Variants in ZNF775 observed in about 807,000 individuals in gnomAD.
ZNF775 encodes zinc finger protein 775.
Under a neutral mutation model 2.4 loss-of-function variants are expected in ZNF775, and 1 was observed. The ratio of observed to expected loss-of-function variants is 0.41; its 90% CI spans 0.15 to 1.94. The LOEUF is 1.94. Ranked by LOEUF, ZNF775 falls within the 30% of genes most tolerant of loss-of-function variation. The probability of loss-of-function intolerance (pLI) is 0.30; values close to 1 mark genes in which losing one functional copy is unlikely to be tolerated. For missense variants in ZNF775, 823 were observed against 826.6 expected, an observed-to-expected ratio of 1.00 and a Z score of 0.05; for synonymous variants, 381 against 373.3, an observed-to-expected ratio of 1.02 and a Z score of -0.24.
Position 150,398,046 on chromosome 7 carries a change from G to T in ZNF775, c.1565G>T (p.Arg522Leu). ...AAGCAGCACCTGCTCAAGCACCAGC[G>T]CGTGCACCGCGCGGCCCCTGCGTGC... The part of the protein sequence containing the change: ...SQKQHLLKHQ[R>L]VHRAAPACSP... The change falls in exon 3 of 3, where the codon CGC becomes CTC. Residue 522 changes from arginine (R) to leucine (L), a missense_variant. Physicochemically the swap from Arg to Leu is moderately radical, Grantham distance 102 (BLOSUM62 -2). Coordinates refer to ENST00000329630, the MANE Select transcript of ZNF775 (RefSeq NM_173680.4). The T allele has an allele frequency of 3.2e-6, 5 of 1,569,942 alleles. No homozygotes were observed. Among genetic ancestry groups the T allele is most frequent in the Middle Eastern group, 1.7e-4 (1 of 6,034 alleles).
chr7:150,380,465 G>C (rs1325753904), intron 1 of ZNF775, among the ~76,000 whole-genome samples: 1 of 152,134 alleles, frequency 6.6e-6, no homozygotes, highest in African/African-American at 2.4e-5. Context: ...AACAGAGAAG[G>C]GATTCCTGGC....
chr7:150,388,339 G>A (rs1468425468), intron 1 of ZNF775, 83 bp from the exon 2 acceptor site: 2 of 1,041,724 alleles, frequency 1.9e-6, no homozygotes, highest in African/African-American at 1.6e-5. Flanking sequence ...AGTGCTTTAT[G>A]GGATGGGAGG....
chr7:150,391,609 A>G (rs763204018), intron 2 of ZNF775, among the ~76,000 whole-genome samples: 4 of 151,874 alleles, frequency 2.6e-5, no homozygotes, highest in Admixed American at 6.6e-5. Flanking sequence ...CAGTAACCAC[A>G]TGTGTTTCAA....
intron 1 of ZNF775, among the ~76,000 whole-genome samples, chr7:150,380,862 C>G (rs1317556355): frequency 6.6e-6 from 1 of 152,198 alleles, no homozygotes; most frequent in Non-Finnish European, 1.5e-5. Context: ...CTTCTCAGGA[C>G]CAGCTAGGTG....
chr7:150,383,385 A>G lies in ZNF775; in HGVS notation c.-50+3993A>G, dbSNP rs547403819. 3.9e-5 allele frequency among the ~76,000 whole-genome samples: 6 copies of G among 152,260 alleles called. No individual in the cohort carries two copies. In the East Asian group the frequency reaches 1.2e-3, roughly 29 times the overall value. On this transcript the variant is annotated intron_variant, in intron 1 of 2. Coordinates refer to ENST00000329630, the MANE Select transcript of ZNF775 (RefSeq NM_173680.4). The stretch of plus-strand genomic sequence containing the variant: ...AATACACATTACACACCTTCTGCAT[A>G]TGAGGGACGCGCAGGTGTGGGAGCA...
chr7:150,388,301 A>C, intron 1 of ZNF775, 121 bp from the exon 2 acceptor site: 1 of 691,320 alleles, frequency 1.4e-6, no homozygotes, highest in Non-Finnish European at 2.5e-6. Context: ...GAATGTGGCT[A>C]TGGATAGAAA....
intron 2 of ZNF775, among the ~76,000 whole-genome samples, chr7:150,395,929 G>A (rs189455025): frequency 2.0e-5 from 3 of 152,052 alleles, no homozygotes; most frequent in South Asian, 2.1e-4. Context: ...GTGCTCCCCC[G>A]CCATGGCTTC....
At chr7:150,383,330 T>TGTTTCATTCACTCATCC (rs1180328790) in intron 1 of ZNF775, among the ~76,000 whole-genome samples, 7 of 152,302 alleles carry the variant, frequency 4.6e-5, no homozygotes, top group African/African-American at 1.7e-4. Flanking sequence ...GGTCCTCCAT[T>TGTTTCATTCACTCATCC]GTTTCATTCA....
At chr7:150,394,840 C>T (rs191492148) in intron 2 of ZNF775, among the ~76,000 whole-genome samples, 1 of 152,224 alleles carries the variant, frequency 6.6e-6, no homozygotes, top group East Asian at 1.9e-4. Context: ...AAAATCTCAG[C>T]AAGGTTAGGG....
rs767317845 is a variant in ZNF775, at chr7:150,397,114, C to T, written c.633C>T (p.Arg211=). 9.1e-6 allele frequency: 14 copies of T among 1,532,732 alleles called. No individual in the cohort carries two copies. Among genetic ancestry groups the T allele is most frequent in the Admixed American group, 2.1e-5 (1 of 46,918 alleles). 94.9% of individuals were successfully genotyped at this position (1,532,732 alleles called of 1,614,324 possible). The stretch of plus-strand genomic sequence containing the variant: ...AGGTGGGCCTCCGCATCCACCAGCG[C>T]GCGCACGCCCGGGACCGCCAGGGCT... The part of the protein sequence containing the change: ...RHQVGLRIHQ[R]AHARDRQGSR... Residue 211 remains arginine (R), a synonymous_variant, in exon 3 of 3, where the codon CGC becomes CGT. Transcript: ENST00000329630.
chr7:150,383,767 A>T (rs1800403253), intron 1 of ZNF775: 1 of 152,284 alleles, frequency 6.6e-6, no homozygotes, highest in African/African-American at 2.4e-5. Context: ...CTAGTGGCGG[A>T]TCCTGCTCCC....
At chr7:150,390,803 G>A (rs988261877) in intron 2 of ZNF775, among the ~76,000 whole-genome samples, 16 of 152,112 alleles carry the variant, frequency 1.1e-4, no homozygotes, top group African/African-American at 3.4e-4. Flanking sequence ...TGGTGAACAC[G>A]TGGGATGGAA....
chr7:150,396,194 C>A (rs759984257), intron 2 of ZNF775, among the ~76,000 whole-genome samples: 3 of 152,128 alleles, frequency 2.0e-5, no homozygotes, highest in Admixed American at 1.3e-4. Flanking sequence ...GCAGAGCAGC[C>A]GGTGCCTCGG....
rs746150081 is a variant in ZNF775, at chr7:150,397,147, C to T, written c.666C>T (p.Ala222=). The change falls in exon 3 of 3, where the codon GCC becomes GCT. Residue 222 remains alanine (A), a synonymous_variant. Transcript: ENST00000329630. Reference sequence around the variant, plus strand: ...CCCGGGACCGCCAGGGCTCCCGCGCCGGCCTGCACGAGCTGATTCAGGACG... The same window carrying T: ...CCCGGGACCGCCAGGGCTCCCGCGCTGGCCTGCACGAGCTGATTCAGGACG... The part of the protein sequence containing the change: ...AHARDRQGSR[A]GLHELIQDAA... 3.8e-5 allele frequency: 56 copies of T among 1,473,814 alleles called. No individual in the cohort carries two copies. The highest frequency in any genetic ancestry group is 1.0e-4 in the East Asian group (4 of 38,294). The allele number at this position is 1,473,814 out of a possible 1,614,324, so 91.3% of individuals were successfully genotyped here.
intron 1 of ZNF775, among the ~76,000 whole-genome samples, chr7:150,387,717 G>A (rs1800478640): frequency 6.6e-6 from 1 of 152,044 alleles, no homozygotes; most frequent in African/African-American, 2.4e-5. Context: ...GGAGGCTGAG[G>A]CAGAATGGCG....
At chr7:150,391,798 G>A (rs1281030868) in intron 2 of ZNF775, among the ~76,000 whole-genome samples, 3 of 133,642 alleles carry the variant, frequency 2.2e-5, no homozygotes, top group Non-Finnish European at 4.6e-5. Flanking sequence ...TGCAACCTCT[G>A]CCTCCCTGGT....
intron 1 of ZNF775, among the ~76,000 whole-genome samples, chr7:150,386,381 G>A (rs1411571262): frequency 2.0e-5 from 3 of 152,132 alleles, no homozygotes; most frequent in Non-Finnish European, 4.4e-5. Flanking sequence ...AAAAAAGTGG[G>A]TGTCTCTTCT....
At chr7:150,389,174 G>A (rs1447615298) in intron 2 of ZNF775, among the ~76,000 whole-genome samples, 1 of 152,222 alleles carries the variant, frequency 6.6e-6, no homozygotes, top group African/African-American at 2.4e-5. Context: ...CCCTTGGCAG[G>A]GTTGAGTCCA....
At chr7:150,385,726 T>C (rs1048987552) in intron 1 of ZNF775, among the ~76,000 whole-genome samples, 1 of 152,118 alleles carries the variant, frequency 6.6e-6, no homozygotes, top group African/African-American at 2.4e-5. Context: ...ATAATTGGAG[T>C]GACCATCTGT....
Sources: allele counts gnomAD v4.1 joint callset (sites outside exome capture counted in the v4.1 genomes callset), GRCh38; gene constraint gnomAD v4.1.1; transcripts MANE v1.5; gene names NCBI Gene and HGNC (gene_info 2026-07-23, HGNC 2026-07-21).